The following RBFOX1 variants were observed in gnomAD, a reference collection of about 807,000 sequenced individuals.
RBFOX1 encodes RNA binding protein fox-1 homolog 1.
RBFOX1 carries 8 observed loss-of-function variants against 57.7 expected under a neutral mutation model. The observed-to-expected ratio is 0.14, with a 90% confidence interval of 0.08 to 0.25. The LOEUF (loss-of-function observed/expected upper bound fraction) is 0.25, where lower values mean the gene tolerates loss of function less well. Among genes scored for constraint, RBFOX1 ranks in the 10% least tolerant of loss-of-function variants. The pLI, the probability that RBFOX1 is intolerant of heterozygous loss-of-function variation, is 1.00. For synonymous variants in RBFOX1, 326 were observed against 222.4 expected, an observed-to-expected ratio of 1.47 and a Z score of -4.15; for missense variants, 611 against 548.5, an observed-to-expected ratio of 1.11 and a Z score of -1.14.
chr16:6,762,990 C>A (rs938752152), intron 3 of RBFOX1, among the ~76,000 whole-genome samples: 1 of 151,794 alleles, frequency 6.6e-6, no homozygotes, highest in African/African-American at 2.4e-5. Flanking sequence ...AAGAAATTTG[C>A]CCAGTGCAAA....
At chr16:7,488,033 C>G (rs567222857) in intron 4 of RBFOX1, among the ~76,000 whole-genome samples, 1 of 152,086 alleles carries the variant, frequency 6.6e-6, no homozygotes, top group African/African-American at 2.4e-5. Context: ...GAAGGGGGCA[C>G]CTCGGCGGAA....
At position 6,673,471 on chromosome 16, in the gene RBFOX1, C is replaced by T. The variant is rs376489743; in HGVS notation, c.-16+18821C>T. ...GGCCTGGTGGTGCATGCCTGTAATC[C>T]CAGCTACTGGGGAAGTTGAGGTAGG... On this transcript the variant is annotated intron_variant, in intron 3 of 15. Coordinates refer to ENST00000550418, the MANE Select transcript of RBFOX1 (RefSeq NM_018723.4). 9.2e-5 allele frequency among the ~76,000 whole-genome samples: 14 copies of T among 152,144 alleles called. 1 individual carries two copies. The South Asian group carries it at 2.5e-3, about 27-fold the overall frequency.
intron 11 of RBFOX1, among the ~76,000 whole-genome samples, chr16:7,650,363 A>G (rs1008987126): frequency 2.1e-5 from 3 of 145,476 alleles, no homozygotes; most frequent in African/African-American, 7.7e-5. Flanking sequence ...GGAAGGCACT[A>G]TTTAAGCCAG....
chr16:7,054,798 G>A (rs771159405), intron 4 of RBFOX1, among the ~76,000 whole-genome samples: 13 of 152,146 alleles, frequency 8.5e-5, no homozygotes, highest in Admixed American at 1.3e-4. Context: ...GACTGTGGCC[G>A]TGTTATCATG....
intron 1 of RBFOX1, among the ~76,000 whole-genome samples, chr16:5,453,519 G>T (rs867706927): frequency 6.6e-6 from 1 of 152,150 alleles, no homozygotes; most frequent in Non-Finnish European, 1.5e-5. Context: ...ATGCTCTGGT[G>T]TAAGGAAATG....
intron 10 of RBFOX1, among the ~76,000 whole-genome samples, chr16:7,629,296 C>A (rs2060560992): frequency 6.6e-6 from 1 of 152,176 alleles, no homozygotes; most frequent in Admixed American, 6.5e-5. Flanking sequence ...CAGGACCCCA[C>A]ACGCTTTGGA....
At chr16:6,710,251 C>T (rs552787067) in intron 3 of RBFOX1, among the ~76,000 whole-genome samples, 1 of 152,186 alleles carries the variant, frequency 6.6e-6, no homozygotes, top group East Asian at 1.9e-4. Context: ...CAAATTGTTC[C>T]TCTGTAATAG....
chr16:6,557,144 TA>T (rs2097115309), intron 2 of RBFOX1, among the ~76,000 whole-genome samples: 1 of 144,126 alleles, frequency 6.9e-6, no homozygotes, highest in East Asian at 2.0e-4. Context: ...TATATACATA[TA>T]TACACACATA....
intron 1 of RBFOX1, among the ~76,000 whole-genome samples, chr16:5,367,382 G>A (rs546768963): frequency 4.9e-4 from 75 of 152,264 alleles, no homozygotes; most frequent in African/African-American, 1.3e-3. Flanking sequence ...GTAGAGAGAC[G>A]CAGGTGCTTG....
intron 4 of RBFOX1, among the ~76,000 whole-genome samples, chr16:5,888,337 T>G (rs944622425): frequency 1.3e-5 from 2 of 152,174 alleles, no homozygotes; most frequent in African/African-American, 4.8e-5. Flanking sequence ...CTACAAAGCT[T>G]TTTTTCTTAA....
At chr16:7,110,253 G>C (rs1048438693) in intron 4 of RBFOX1, among the ~76,000 whole-genome samples, 3 of 151,540 alleles carry the variant, frequency 2.0e-5, no homozygotes, top group African/African-American at 7.3e-5. Context: ...CCAGCTTCTC[G>C]GGGAGGCTGA....
At position 5,416,702 on chromosome 16, in the gene RBFOX1, G is replaced by A. The variant is rs999046549; in HGVS notation, c.220-50514G>A. 2.7e-4 allele frequency among the ~76,000 whole-genome samples: 41 copies of A among 150,328 alleles called. No individual in the cohort carries two copies. The East Asian group carries it at 5.1e-3, about 19-fold the overall frequency. Reference sequence around the variant, plus strand: ...TGTCTTTTTTTTTTTTCCTCTGGTCGTCTTCAAGATTTTCTCTGTATCTCC... The same window carrying A: ...TGTCTTTTTTTTTTTTCCTCTGGTCATCTTCAAGATTTTCTCTGTATCTCC... On this transcript the variant is annotated intron_variant, in intron 1 of 2. Transcript: ENST00000585867.
At chr16:6,729,858 G>A (rs1603468080) in intron 3 of RBFOX1, among the ~76,000 whole-genome samples, 1 of 152,118 alleles carries the variant, frequency 6.6e-6, no homozygotes, top group African/African-American at 2.4e-5. Flanking sequence ...AATGGAGTTT[G>A]GAAGAAAGCT....
At chr16:6,969,127 A>C (rs1487568465) in intron 3 of RBFOX1, among the ~76,000 whole-genome samples, 1 of 152,116 alleles carries the variant, frequency 6.6e-6, no homozygotes, top group African/African-American at 2.4e-5. Flanking sequence ...CTGCGTGTGA[A>C]CTTATTCAGT....
At chr16:7,693,483 A>G in intron 14 of RBFOX1, 2 of 771,902 alleles carry the variant, frequency 2.6e-6, no homozygotes, top group Non-Finnish European at 4.2e-6. Flanking sequence ...AGTTAAGAAA[A>G]AAAAAAAAGA....
chr16:7,516,065 G>A (rs1382579454), intron 4 of RBFOX1, among the ~76,000 whole-genome samples: 1 of 152,068 alleles, frequency 6.6e-6, no homozygotes, highest in Non-Finnish European at 1.5e-5. Flanking sequence ...GTCTGGTCTC[G>A]AACTCCTGAC....
intron 1 of RBFOX1, among the ~76,000 whole-genome samples, chr16:5,276,953 G>C (rs574177916): frequency 1.3e-5 from 2 of 152,154 alleles, no homozygotes; most frequent in East Asian, 3.9e-4. Flanking sequence ...TATCTACCCA[G>C]AGAAAAGGAA....
intron 3 of RBFOX1, among the ~76,000 whole-genome samples, chr16:6,969,797 C>G (rs529261464): frequency 6.6e-6 from 1 of 151,910 alleles, no homozygotes; most frequent in African/African-American, 2.4e-5. Flanking sequence ...CTGGTGCCCC[C>G]TTCAGTTGTG....
intron 3 of RBFOX1, among the ~76,000 whole-genome samples, chr16:6,772,793 TGC>T (rs2078550171): frequency 4.0e-5 from 6 of 149,976 alleles, no homozygotes; most frequent in South Asian, 4.3e-4. Context: ...TGCATTTGTG[TGC>T]GTATGTGTGG....
Sources: allele counts gnomAD v4.1 joint callset (sites outside exome capture counted in the v4.1 genomes callset), GRCh38; gene constraint gnomAD v4.1.1; transcripts MANE v1.5; gene names NCBI Gene and HGNC (gene_info 2026-07-23, HGNC 2026-07-21).